The following DPYD variants were observed in gnomAD, a reference collection of about 807,000 sequenced individuals.
The protein encoded by DPYD is dihydropyrimidine dehydrogenase, also known as dihydropyrimidine dehydrogenase [NADP(+)].
In DPYD, 109 loss-of-function variants were observed where a neutral mutation model predicts 116.2. The observed-to-expected ratio is 0.94, with a 90% CI of 0.80 to 1.10. The LOEUF (loss-of-function observed/expected upper bound fraction) is 1.10. Ranked by LOEUF, DPYD falls within the 50% of genes least tolerant of loss-of-function variation. The probability of loss-of-function intolerance (pLI) is 0.00; values close to 1 mark genes in which losing one functional copy is unlikely to be tolerated. For synonymous variants in DPYD, 440 were observed against 432.0 expected (o/e 1.02, Z -0.23); for missense variants, 1,302 against 1,254.5 (o/e 1.04, Z -0.57).
At chr1:97,761,777 A>AT (rs879859319) in intron 3 of DPYD, among the ~76,000 whole-genome samples, 1 of 152,080 alleles carries the variant, frequency 6.6e-6, no homozygotes, top group Non-Finnish European at 1.5e-5. Flanking sequence ...ACTACACTGG[A>AT]TTTTTTAAAC....
At chr1:97,915,778 T>C (rs930173876) in intron 1 of DPYD, among the ~76,000 whole-genome samples, 1 of 152,204 alleles carries the variant, frequency 6.6e-6, no homozygotes, top group African/African-American at 2.4e-5. Context: ...TGTCATGCAT[T>C]CATACAGCTG....
chr1:97,700,698 T>A (rs1220884177), intron 5 of DPYD, among the ~76,000 whole-genome samples: 1 of 151,844 alleles, frequency 6.6e-6, no homozygotes, highest in African/African-American at 2.4e-5. Context: ...AAAATAAACC[T>A]AAAAAAATTG....
At chr1:97,334,861 A>G (rs1669204059) in intron 16 of DPYD, among the ~76,000 whole-genome samples, 1 of 149,092 alleles carries the variant, frequency 6.7e-6, no homozygotes, top group Non-Finnish European at 1.5e-5. Flanking sequence ...GGCAGACATT[A>G]GAGGGGAATT....
At chr1:97,237,065 C>A (rs770748360) in intron 18 of DPYD, among the ~76,000 whole-genome samples, 8 of 151,724 alleles carry the variant, frequency 5.3e-5, no homozygotes, top group African/African-American at 9.7e-5. Flanking sequence ...CATGGTAAAA[C>A]CCCGTGTCTA....
intron 14 of DPYD, among the ~76,000 whole-genome samples, chr1:97,437,895 TC>T (rs1483493291): frequency 6.6e-6 from 1 of 152,026 alleles, no homozygotes; most frequent in East Asian, 1.9e-4. Context: ...TAAGTTAACT[TC>T]TATATATCAT....
At chr1:97,262,466 C>T (rs935464408) in intron 18 of DPYD, among the ~76,000 whole-genome samples, 3 of 151,994 alleles carry the variant, frequency 2.0e-5, no homozygotes, top group Admixed American at 6.6e-5. Context: ...ATTAACAATT[C>T]GTTCTTCAAC....
intron 20 of DPYD, among the ~76,000 whole-genome samples, chr1:97,172,998 G>C (rs1656847037): frequency 6.6e-6 from 1 of 152,002 alleles, no homozygotes; most frequent in African/African-American, 2.4e-5. Context: ...AACTCCGATA[G>C]CATAATAGCA....
intron 18 of DPYD, among the ~76,000 whole-genome samples, chr1:97,296,566 T>C (rs1339606733): frequency 1.3e-5 from 2 of 152,126 alleles, no homozygotes; most frequent in Admixed American, 6.5e-5. Context: ...TTTTGAATAA[T>C]TGTCAATATT....
chr1:97,699,813 G>A (rs1251797419), intron 5 of DPYD, among the ~76,000 whole-genome samples: 2 of 151,854 alleles, frequency 1.3e-5, no homozygotes, highest in Non-Finnish European at 2.9e-5. Flanking sequence ...TACATTAAGT[G>A]CCTCTCCTCT....
chr1:97,491,973 G>T (rs113467672), intron 13 of DPYD, among the ~76,000 whole-genome samples: 2 of 151,984 alleles, frequency 1.3e-5, no homozygotes, highest in African/African-American at 4.8e-5. Context: ...TGTATTCTGC[G>T]GCAGGTTTCC....
intron 18 of DPYD, among the ~76,000 whole-genome samples, chr1:97,296,938 T>C: frequency 6.6e-6 from 1 of 152,174 alleles, no homozygotes; most frequent in East Asian, 1.9e-4. Flanking sequence ...ATTTAAAAAA[T>C]GCTGAAACAA....
intron 3 of DPYD, among the ~76,000 whole-genome samples, chr1:97,760,735 G>C (rs1175114278): frequency 1.3e-5 from 2 of 151,934 alleles, no homozygotes; most frequent in Non-Finnish European, 2.9e-5. Context: ...AAAGACACAG[G>C]GTAGCAAGCA....
At chr1:97,786,413 G>T (rs183839317) in intron 3 of DPYD, among the ~76,000 whole-genome samples, 79 of 152,214 alleles carry the variant, frequency 5.2e-4, no homozygotes, top group African/African-American at 1.9e-3. Context: ...CCTTACAAAT[G>T]ATTTTTTTTA....
At chr1:97,602,584 T>A (rs998666046) in intron 8 of DPYD, among the ~76,000 whole-genome samples, 4 of 151,976 alleles carry the variant, frequency 2.6e-5, no homozygotes, top group Admixed American at 1.3e-4. Context: ...GGTCTCATAC[T>A]TTTTACTTCC....
At chr1:97,094,435 T>C (rs1650097971) in intron 21 of DPYD, among the ~76,000 whole-genome samples, 1 of 152,124 alleles carries the variant, frequency 6.6e-6, no homozygotes, top group African/African-American at 2.4e-5. Flanking sequence ...CTCAGCATTA[T>C]GTAAAGAATG....
In DPYD at chr1:97,688,443, G is replaced by A. The variant is rs532685669; in HGVS notation, c.762+3274C>T. Among the ~76,000 whole-genome samples, 22 of 151,906 alleles carry A rather than the reference G, an allele frequency of 1.4e-4. No individual in the cohort carries two copies. In the East Asian group the frequency reaches 3.5e-3, roughly 24 times the overall value. ...AGAAATATATTGGCAAAATTGATAC[G>A]AGAATAAAATCAGTGGAAAAAACTT... is the stretch of plus-strand genomic sequence containing the variant. On this transcript the variant is annotated intron_variant, in intron 7 of 22. Coordinates refer to ENST00000370192, the MANE Select transcript of DPYD (RefSeq NM_000110.4).
intron 2 of DPYD, among the ~76,000 whole-genome samples, chr1:97,876,514 A>C (rs929068727): frequency 3.9e-5 from 6 of 151,902 alleles, no homozygotes; most frequent in Non-Finnish European, 8.8e-5. Flanking sequence ...CCCATCCCAA[A>C]TAGGAACTTA....
chr1:97,887,348 T>C (rs1473943847), intron 1 of DPYD, among the ~76,000 whole-genome samples: 1 of 151,108 alleles, frequency 6.6e-6, no homozygotes, highest in Non-Finnish European at 1.5e-5. Context: ...CATATGCCTG[T>C]GGTCTCAGCT....
intron 2 of DPYD, among the ~76,000 whole-genome samples, chr1:97,838,091 C>A (rs1344509552): frequency 6.6e-6 from 1 of 152,090 alleles, no homozygotes; most frequent in African/African-American, 2.4e-5. Context: ...TTTATTTTCT[C>A]TGGTTAAACA....
Sources: gnomAD v4.1 joint callset for allele counts (sites outside exome capture counted in the v4.1 genomes callset) on GRCh38, gnomAD v4.1.1 for gene constraint, MANE v1.5 for transcripts, NCBI Gene and HGNC (gene_info 2026-07-23, HGNC 2026-07-21) for gene names.